Variants in KIFC3 observed in about 807,000 individuals in gnomAD.
The protein encoded by KIFC3 is kinesin family member C3.
In KIFC3, 60 loss-of-function variants were observed where a neutral mutation model predicts 101.8. The ratio of observed to expected loss-of-function variants is 0.59; its 90% CI spans 0.48 to 0.73. The LOEUF (loss-of-function observed/expected upper bound fraction) is 0.73, where lower values mean the gene tolerates loss of function less well. Ranked by LOEUF, KIFC3 falls within the 30% of genes least tolerant of loss-of-function variation. KIFC3 has a pLI of 0.00. For synonymous variants in KIFC3, 476 were observed against 482.7 expected (o/e 0.99, Z 0.18); for missense variants, 966 against 1,137.1 (o/e 0.85, Z 2.16).
upstream of KIFC3, among the ~76,000 whole-genome samples, chr16:57,805,150 G>T (rs2149248489): frequency 6.6e-6 from 1 of 152,106 alleles, no homozygotes; most frequent in East Asian, 1.9e-4. Context: ...TTTTTAAAAA[G>T]AATATTGTGT....
intron 1 of KIFC3, chr16:57,813,576 C>T (rs1555628171): frequency 5.1e-6 from 3 of 591,888 alleles, no homozygotes. Flanking sequence ...CTCTAACCAC[C>T]TTCTGAGAAT....
intron 6 of KIFC3, 152 bp from the exon 7 acceptor site, chr16:57,770,852 C>T (rs1555607570): frequency 1.4e-6 from 1 of 714,734 alleles, no homozygotes. Flanking sequence ...TCCTGGCTTT[C>T]CAGAAAGCTG....
At chr16:57,762,766 G>A (rs971154524) in intron 12 of KIFC3, among the ~76,000 whole-genome samples, 4 of 152,296 alleles carry the variant, frequency 2.6e-5, no homozygotes, top group Admixed American at 1.3e-4. Flanking sequence ...GTCCCCACCC[G>A]GGACCTCGAG....
intron 3 of KIFC3, among the ~76,000 whole-genome samples, chr16:57,791,547 G>T (rs2053871854): frequency 6.6e-6 from 1 of 152,144 alleles, no homozygotes; most frequent in East Asian, 1.9e-4. Flanking sequence ...GACCCACTCT[G>T]GCCCCACATC....
chr16:57,834,602 C>T (rs1201134726), intron 1 of KIFC3, among the ~76,000 whole-genome samples: 1 of 152,144 alleles, frequency 6.6e-6, no homozygotes, highest in Non-Finnish European at 1.5e-5. Context: ...GCCTCAACCC[C>T]CTGGACTCAA....
intron 1 of KIFC3, among the ~76,000 whole-genome samples, chr16:57,829,537 G>C (rs1414220803): frequency 6.6e-6 from 1 of 152,208 alleles, no homozygotes; most frequent in Admixed American, 6.5e-5. Context: ...TTACAGGCGT[G>C]AGCCACCATG....
chr16:57,805,833 G>C (rs994183882), upstream of KIFC3, among the ~76,000 whole-genome samples: 2 of 151,894 alleles, frequency 1.3e-5, no homozygotes, highest in Non-Finnish European at 2.9e-5. Flanking sequence ...GCGCCACCAC[G>C]CCCAGCTAAT....
In KIFC3 at chr16:57,769,938, T is replaced by C; in HGVS notation, c.957A>G (p.Ser319=). Residue 319 remains serine, a synonymous_variant, in exon 8 of 20, where the codon TCA becomes TCG. Coordinates refer to ENST00000445690, the MANE Select transcript of KIFC3 (RefSeq NM_001130100.2). The surrounding 1 kb of genome is among the most constrained non-coding windows in gnomAD (Gnocchi z 4.3). ...TCTGCCCATGGGCCCGCTCCAGCTC[T>C]GACTCGTACATGGCAATCTGGCCAG... ...RLRAQIAMYE[S]ELERAHGQML... 1 of 1,612,948 alleles carries C rather than the reference T, an allele frequency of 6.2e-7. No homozygotes were observed. Among genetic ancestry groups the C allele is most frequent in the Non-Finnish European group, 8.5e-7 (1 of 1,179,988 alleles).
rs781796602 is a variant in KIFC3 at position 57,771,697 on chromosome 16, C to T, written c.382-11G>A. ...CAAGTCGGTGCCCCCCTGCAGAGAG[C>T]CAGGGCCGAGGGGGCGCATGTGGCG... On this transcript the variant is annotated splice_polypyrimidine_tract_variant and intron_variant, in intron 4 of 19. Transcript: ENST00000445690. 3.9e-5 allele frequency: 62 copies of T among 1,607,974 alleles called. No homozygotes were observed. Among genetic ancestry groups the T allele is most frequent in the Non-Finnish European group, 4.8e-5 (57 of 1,177,556 alleles).
intron 1 of KIFC3, chr16:57,815,491 T>G (rs2055199152): frequency 1.6e-6 from 2 of 1,249,224 alleles, no homozygotes; most frequent in Non-Finnish European, 2.1e-6. Context: ...ACCCCCAACC[T>G]GGCTGATCTG....
chr16:57,798,359 T>C (rs1555624243), intron 1 of KIFC3, 77 bp from the exon 2 acceptor site: 11 of 1,323,736 alleles, frequency 8.3e-6, no homozygotes, highest in Non-Finnish European at 1.2e-5. Flanking sequence ...GCCAGCCATC[T>C]GGAAGGGTCT....
chr16:57,798,036 G>A (rs1555623741), intron 2 of KIFC3, 36 bp downstream of exon 2: 8 of 1,566,432 alleles, frequency 5.1e-6, no homozygotes, highest in East Asian at 2.4e-5. Flanking sequence ...GAGGAAGGAA[G>A]GGAAATAAAG....
intron 11 of KIFC3, chr16:57,764,449 T>G (rs1486658851): frequency 1.8e-6 from 1 of 564,406 alleles, no homozygotes; most frequent in Non-Finnish European, 3.2e-6. Flanking sequence ...GCCCAAAGAC[T>G]GCAGGGAAGA....
chr16:57,844,465 C>A lies in KIFC3; in HGVS notation c.108+18264G>T, dbSNP rs891164903. ...AAAAAAAAAAAAAAGGCAGCGTAAACCTATTGGCAAGGTCTGGTGAAGGAC... is the reference window on the plus strand; with the variant it reads ...AAAAAAAAAAAAAAGGCAGCGTAAAACTATTGGCAAGGTCTGGTGAAGGAC... On this transcript the variant is annotated intron_variant, in intron 1 of 2. Coordinates refer to the KIFC3 transcript ENST00000563028. Among the ~76,000 whole-genome samples, 7 of 148,048 alleles carry A rather than the reference C, an allele frequency of 4.7e-5. No individual in the cohort carries two copies. In the South Asian group the frequency reaches 1.5e-3, roughly 32 times the overall value.
intron 7 of KIFC3, 111 bp from the exon 8 acceptor site, chr16:57,770,066 A>ATGTGTGTGTG: frequency 3.0e-6 from 4 of 1,318,426 alleles, no homozygotes; most frequent in Non-Finnish European, 4.1e-6. Flanking sequence ...ACACATGCAC[A>ATGTGTGTGTG]CACACATGTG....
At chr16:57,774,337 T>G (rs1311142323) in intron 3 of KIFC3, 1 of 152,192 alleles carries the variant, frequency 6.6e-6, no homozygotes, top group Admixed American at 6.5e-5. Context: ...TGTGTATATA[T>G]AGTACATAGA....
At chr16:57,775,677 G>C in intron 3 of KIFC3, 6 of 985,564 alleles carry the variant, frequency 6.1e-6, no homozygotes, top group South Asian at 4.7e-5. Context: ...AGCCCAACAG[G>C]GGAGGGTCCC....
chr16:57,810,767 C>T (rs782203417), intron 1 of KIFC3: 3 of 792,566 alleles, frequency 3.8e-6, no homozygotes, highest in Non-Finnish European at 4.6e-6. Flanking sequence ...TCATTCAATC[C>T]CCGCAACAAC....
intron 1 of KIFC3, among the ~76,000 whole-genome samples, chr16:57,828,822 T>A (rs1555631225): frequency 6.7e-6 from 1 of 148,578 alleles, no homozygotes; most frequent in Non-Finnish European, 1.5e-5. Flanking sequence ...CACAAGCCCC[T>A]CACCCCCCAG....
Sources: allele counts gnomAD v4.1 joint callset (sites outside exome capture counted in the v4.1 genomes callset), GRCh38; gene constraint gnomAD v4.1.1; non-coding constraint Gnocchi (gnomAD v3.1); transcripts MANE v1.5; gene names NCBI Gene and HGNC (gene_info 2026-07-23, HGNC 2026-07-21).